Variants in ETV1 observed in about 807,000 individuals in gnomAD.
ETV1 encodes ETS variant transcription factor 1.
Under a neutral mutation model 62.3 loss-of-function variants are expected in ETV1, and 27 were observed. The observed-to-expected ratio is 0.43, with a 90% CI of 0.32 to 0.60. The LOEUF (loss-of-function observed/expected upper bound fraction) is 0.60, where lower values mean the gene tolerates loss of function less well. Among genes scored for constraint, ETV1 ranks in the 20% least tolerant of loss-of-function variants. ETV1 has a pLI of 0.06. For missense variants in ETV1, 605 were observed against 605.8 expected (o/e 1.00, Z 0.01); for synonymous variants, 222 against 199.6 (o/e 1.11, Z -0.94).
chr7:13,988,081 C>T lies in ETV1; in HGVS notation c.133+5G>A. 6.3e-7 allele frequency: 1 copy of T among 1,596,498 alleles called. No homozygotes were observed. Among genetic ancestry groups the T allele is most frequent in the Non-Finnish European group, 8.6e-7 (1 of 1,164,190 alleles). On this transcript the variant is annotated splice_donor_5th_base_variant and intron_variant, in intron 4 of 13. Coordinates refer to ENST00000430479, the MANE Select transcript of ETV1 (RefSeq NM_004956.5). Reference sequence around the variant, plus strand: ...ATGGGGATTCAGCCCAAAATCAAACCTCACCTTCTGAATCATGAGCCAGAT... The same window carrying T: ...ATGGGGATTCAGCCCAAAATCAAACTTCACCTTCTGAATCATGAGCCAGAT...
intron 6 of ETV1, among the ~76,000 whole-genome samples, chr7:13,940,014 A>C (rs892176995): frequency 3.3e-5 from 5 of 152,228 alleles, no homozygotes; most frequent in Non-Finnish European, 7.3e-5. Flanking sequence ...AAATATGAAA[A>C]CTAGAAAAAT....
intron 5 of ETV1, among the ~76,000 whole-genome samples, chr7:13,978,954 C>T (rs776982453): frequency 3.3e-5 from 5 of 152,130 alleles, no homozygotes; most frequent in South Asian, 2.1e-4. Flanking sequence ...ACTCTACCCC[C>T]GCTACCAAAC....
chr7:13,918,991 T>C (rs1462575671), intron 9 of ETV1, among the ~76,000 whole-genome samples: 1 of 152,092 alleles, frequency 6.6e-6, no homozygotes, highest in Non-Finnish European at 1.5e-5. Context: ...CCAAATACTG[T>C]ACTTTAAATT....
At chr7:13,940,963 A>G (rs879484839) in intron 6 of ETV1, among the ~76,000 whole-genome samples, 10 of 152,224 alleles carry the variant, frequency 6.6e-5, no homozygotes, top group Admixed American at 2.6e-4. Context: ...AACTTAACAC[A>G]TAATAATAAA....
chr7:13,935,647 A>G (rs1263007415), intron 8 of ETV1, 61 bp downstream of exon 8: 1 of 1,435,636 alleles, frequency 7.0e-7, no homozygotes, highest in African/African-American at 1.4e-5. Flanking sequence ...AGAATTGTTA[A>G]TAGAAATTTT....
Position 13,891,830 on chromosome 7 carries a change from C to T in ETV1, c.*4036G>A, listed in dbSNP as rs1374548164. On this transcript the variant is annotated 3_prime_UTR_variant, in exon 14 of 14. Transcript: ENST00000430479. Reference sequence around the variant, plus strand: ...ATTCTATTTCCTCTCTTCTCCATACCAAATCGCAAATGGAAAATAGCTTAC... The same window carrying T: ...ATTCTATTTCCTCTCTTCTCCATACTAAATCGCAAATGGAAAATAGCTTAC... 4.3e-6 allele frequency: 1 copy of T among 231,238 alleles called. No homozygotes were observed. Among genetic ancestry groups the T allele is most frequent in the African/African-American group, 2.2e-5 (1 of 45,184 alleles). 14.3% of individuals were successfully genotyped at this position (231,238 alleles called of 1,614,324 possible).
chr7:13,956,957 G>C (rs1290975821), intron 6 of ETV1, among the ~76,000 whole-genome samples: 1 of 152,068 alleles, frequency 6.6e-6, no homozygotes, highest in Non-Finnish European at 1.5e-5. Flanking sequence ...TATTAAGGTG[G>C]CTATTATTAA....
rs1291388647 is a variant in ETV1, at chr7:13,986,316, A to G, written c.181+322T>C. 4 of 1,502,852 alleles carry G rather than the reference A, an allele frequency of 2.7e-6. No homozygotes were observed. In the East Asian group the frequency reaches 7.4e-5, roughly 28 times the overall value. The allele number at this position is 1,502,852 out of a possible 1,614,324, so 93.1% of individuals were successfully genotyped here. On this transcript the variant is annotated intron_variant, in intron 5 of 13. Transcript: ENST00000430479. ...GCTCTAGGAGGTCTCTGGAGGTACA[A>G]TAATATAAACCTGATCAATTGCAAT...
At chr7:13,948,067 G>A (rs570004672) in intron 6 of ETV1, among the ~76,000 whole-genome samples, 1 of 152,242 alleles carries the variant, frequency 6.6e-6, no homozygotes, top group East Asian at 1.9e-4. Flanking sequence ...TTTGCTTTTA[G>A]GCAATCTGCC....
At chr7:13,909,851 G>T (rs1180770766) in intron 10 of ETV1, among the ~76,000 whole-genome samples, 151 bp from the exon 11 acceptor site, 4 of 152,092 alleles carry the variant, frequency 2.6e-5, no homozygotes. Context: ...TTTAACCTCT[G>T]TGCCTCAGTT....
At chr7:13,923,507 G>C (rs1473774084) in intron 9 of ETV1, among the ~76,000 whole-genome samples, 2 of 152,170 alleles carry the variant, frequency 1.3e-5, no homozygotes, top group East Asian at 1.9e-4. Flanking sequence ...TCTGACAGAT[G>C]AAAGTTAAAC....
chr7:13,916,258 T>A (rs1054643139), intron 9 of ETV1, among the ~76,000 whole-genome samples: 7 of 152,262 alleles, frequency 4.6e-5, no homozygotes, highest in Middle Eastern at 3.4e-3. Flanking sequence ...GAATCTACTA[T>A]TGATTGAGTA....
chr7:13,986,789 C>T, intron 4 of ETV1, 104 bp from the exon 5 acceptor site: 1 of 852,720 alleles, frequency 1.2e-6, no homozygotes, highest in South Asian at 1.7e-5. Flanking sequence ...AATTTAATTT[C>T]AAGAGACGCA....
chr7:13,892,531 C>T lies in ETV1; in HGVS notation c.*3335G>A, dbSNP rs538102943. The T allele has an allele frequency of 6.0e-5, 14 of 232,588 alleles. No homozygotes were observed. Among genetic ancestry groups the T allele is most frequent in the Non-Finnish European group, 8.5e-5 (10 of 117,784 alleles). 14.4% of individuals were successfully genotyped at this position (232,588 alleles called of 1,614,324 possible). ...TGCTACACAGTCTTCCTCCTCCGTG[C>T]GGTGTTCTGAATAACAGCCCTGCCC... is the stretch of plus-strand genomic sequence containing the variant. On this transcript the variant is annotated 3_prime_UTR_variant, in exon 14 of 14. Coordinates refer to ENST00000430479, the MANE Select transcript of ETV1 (RefSeq NM_004956.5).
chr7:13,947,985 C>G (rs1336228261), intron 6 of ETV1, among the ~76,000 whole-genome samples: 5 of 152,180 alleles, frequency 3.3e-5, no homozygotes, highest in Admixed American at 6.5e-5. Flanking sequence ...ATACATGTAT[C>G]TGTATGTATG....
chr7:13,980,400 C>CA (rs1346236649), intron 5 of ETV1, among the ~76,000 whole-genome samples: 1 of 152,106 alleles, frequency 6.6e-6, no homozygotes. Flanking sequence ...TGAAAACTTG[C>CA]AGCAAGCCAT....
chr7:13,937,257 C>A (rs572032530), intron 7 of ETV1, among the ~76,000 whole-genome samples: 1 of 152,252 alleles, frequency 6.6e-6, no homozygotes, highest in South Asian at 2.1e-4. Context: ...CAACAGTGTT[C>A]ATATAATGAA....
At chr7:13,941,214 C>T (rs1323589658) in intron 6 of ETV1, among the ~76,000 whole-genome samples, 1 of 152,170 alleles carries the variant, frequency 6.6e-6, no homozygotes, top group African/African-American at 2.4e-5. Flanking sequence ...CTGATTTGAA[C>T]AAACCAACTA....
chr7:13,906,439 C>T lies in ETV1; in HGVS notation c.1101G>A (p.Glu367=), dbSNP rs372949158. Residue 367 remains glutamate (E), a synonymous_variant, in exon 12 of 14, where the codon GAG becomes GAA. Transcript: ENST00000430479. ...TGRGMEFKLI[E]PEEVARRWGI... ...AATCTATTAAACTAACCTCTTCAGG[C>T]TCAATCAGTTTAAATTCCATGCCTC... The T allele has an allele frequency of 5.3e-4, 849 of 1,597,544 alleles. 14 individuals are homozygous for T. In the South Asian group the frequency reaches 9.1e-3, roughly 17 times the overall value.
Sources: gnomAD v4.1 joint callset for allele counts (sites outside exome capture counted in the v4.1 genomes callset) on GRCh38, gnomAD v4.1.1 for gene constraint, MANE v1.5 for transcripts, NCBI Gene and HGNC (gene_info 2026-07-23, HGNC 2026-07-21) for gene names.